The following RASAL2 variants were observed in gnomAD, a reference collection of about 807,000 sequenced individuals.
RASAL2 encodes the protein ras GTPase-activating protein nGAP.
Under a neutral mutation model 128.9 loss-of-function variants are expected in RASAL2, and 58 were observed. The observed-to-expected ratio is 0.45, with a 90% confidence interval of 0.36 to 0.56. The LOEUF (loss-of-function observed/expected upper bound fraction) is 0.56. Among genes scored for constraint, RASAL2 ranks in the 20% least tolerant of loss-of-function variants. The pLI is 0.00. For missense variants in RASAL2, 1,360 were observed against 1,601.6 expected (o/e 0.85, Z 2.57); for synonymous variants, 561 against 580.8 (o/e 0.97, Z 0.49).
intron 1 of RASAL2, among the ~76,000 whole-genome samples, chr1:178,184,657 C>G (rs1176942924): frequency 6.6e-6 from 1 of 151,996 alleles, no homozygotes; most frequent in Non-Finnish European, 1.5e-5. Context: ...TTTCCAGTCT[C>G]TCTATTCTGT....
chr1:178,309,480 A>G (rs1235700311), intron 3 of RASAL2, among the ~76,000 whole-genome samples: 1 of 152,174 alleles, frequency 6.6e-6, no homozygotes, highest in Non-Finnish European at 1.5e-5. Flanking sequence ...ATCTTCCTCA[A>G]GGTTTTGGTT....
At chr1:178,370,565 G>A (rs1021116498) in intron 3 of RASAL2, among the ~76,000 whole-genome samples, 2 of 152,110 alleles carry the variant, frequency 1.3e-5, no homozygotes, top group Non-Finnish European at 2.9e-5. Context: ...TCTCAATCGT[G>A]TGGTACTGTC....
At chr1:178,275,250 G>A (rs1485798219) in intron 1 of RASAL2, among the ~76,000 whole-genome samples, 1 of 152,218 alleles carries the variant, frequency 6.6e-6, no homozygotes, top group Non-Finnish European at 1.5e-5. Flanking sequence ...GCTATTGAGA[G>A]CACAGTCATG....
At chr1:178,179,934 A>G (rs1285352539) in intron 1 of RASAL2, among the ~76,000 whole-genome samples, 1 of 152,216 alleles carries the variant, frequency 6.6e-6, no homozygotes, top group East Asian at 1.9e-4. Context: ...CAACTATGCC[A>G]TTGTACATTC....
At chr1:178,465,031 C>A (rs1313392446) in intron 15 of RASAL2, among the ~76,000 whole-genome samples, 1 of 151,910 alleles carries the variant, frequency 6.6e-6, no homozygotes, top group Non-Finnish European at 1.5e-5. Context: ...GACAACCAGA[C>A]AATTAGCTTC....
At chr1:178,234,737 C>T (rs1162167262) in intron 1 of RASAL2, among the ~76,000 whole-genome samples, 1 of 152,042 alleles carries the variant, frequency 6.6e-6, no homozygotes, top group Non-Finnish European at 1.5e-5. Flanking sequence ...AAGCTCTTAC[C>T]ATTAAGAAAA....
chr1:178,476,677 A>G lies in RASAL2; in HGVS notation c.*3438A>G, dbSNP rs1453779138. 1 of 152,230 alleles carries G rather than the reference A, an allele frequency of 6.6e-6. No individual in the cohort carries two copies. Among genetic ancestry groups the G allele is most frequent in the East Asian group, 1.9e-4 (1 of 5,200 alleles). The allele number at this position is 152,230 out of a possible 1,614,324, so 9.4% of individuals were successfully genotyped here. A position where few individuals can be genotyped will look rare whatever the true frequency, so the allele number is the denominator to read the frequency against. On this transcript the variant is annotated 3_prime_UTR_variant, in exon 18 of 18. Transcript: ENST00000367649. ...AAAGAAGATTACCTAAGACTGCTAC[A>G]AGTGTTAACTATATGCCCTTAAGAA...
intron 1 of RASAL2, among the ~76,000 whole-genome samples, chr1:178,136,263 G>A (rs1163464864): frequency 6.6e-6 from 1 of 152,148 alleles, no homozygotes; most frequent in Non-Finnish European, 1.5e-5. Context: ...ATATAATGTA[G>A]CAGAAAGATT....
chr1:178,199,994 G>A (rs190238159), intron 1 of RASAL2, among the ~76,000 whole-genome samples: 113 of 152,210 alleles, frequency 7.4e-4, no homozygotes, highest in Admixed American at 2.5e-3. Flanking sequence ...CCTGAACATC[G>A]GGCTCCAGGT....
At chr1:178,149,529 G>C (rs1007967919) in intron 1 of RASAL2, among the ~76,000 whole-genome samples, 3 of 151,602 alleles carry the variant, frequency 2.0e-5, no homozygotes, top group Admixed American at 6.6e-5. Context: ...TTGCCTCATA[G>C]TAGTTGCTGT....
At chr1:178,255,926 A>G (rs1472183366) in intron 1 of RASAL2, among the ~76,000 whole-genome samples, 2 of 152,172 alleles carry the variant, frequency 1.3e-5, no homozygotes, top group East Asian at 1.9e-4. Context: ...AGAATCAACT[A>G]TACGTTTTCT....
intron 3 of RASAL2, among the ~76,000 whole-genome samples, chr1:178,309,104 C>G (rs553152714): frequency 3.9e-4 from 59 of 152,148 alleles, no homozygotes; most frequent in African/African-American, 1.3e-3. Flanking sequence ...ATTTACTTAA[C>G]CAACAGAAGC....
chr1:178,451,547 C>G (rs546828057), intron 9 of RASAL2, 24 bp from the exon 10 acceptor site: 1 of 1,609,516 alleles, frequency 6.2e-7, no homozygotes, highest in South Asian at 1.1e-5. Flanking sequence ...TATAGCTATA[C>G]CGTTATCTTC....
At chr1:178,222,286 T>G (rs1466473544) in intron 1 of RASAL2, among the ~76,000 whole-genome samples, 2 of 152,166 alleles carry the variant, frequency 1.3e-5, no homozygotes, top group African/African-American at 4.8e-5. Context: ...TACTTCCTAT[T>G]TGTATTCATT....
At chr1:178,151,561 C>T (rs373826762) in intron 1 of RASAL2, among the ~76,000 whole-genome samples, 11 of 152,162 alleles carry the variant, frequency 7.2e-5, no homozygotes, top group African/African-American at 1.9e-4. Context: ...TTGGCTAATT[C>T]GGTGTTTGCA....
At chr1:178,389,372 A>G (rs1261761811) in intron 3 of RASAL2, 3 of 585,456 alleles carry the variant, frequency 5.1e-6, no homozygotes, top group South Asian at 1.5e-4. Context: ...ACACATGTAT[A>G]TATATATCAC....
intron 13 of RASAL2, 74 bp downstream of exon 13, chr1:178,456,973 A>G (rs1279143481): frequency 9.0e-6 from 13 of 1,448,592 alleles, no homozygotes; most frequent in African/African-American, 1.4e-5. Flanking sequence ...TATTCAACCT[A>G]TTTGTTGAAT....
intron 1 of RASAL2, among the ~76,000 whole-genome samples, chr1:178,229,812 T>TA (rs1257299419): frequency 2.0e-5 from 3 of 152,194 alleles, no homozygotes; most frequent in Non-Finnish European, 4.4e-5. Flanking sequence ...GTTTTCAAGG[T>TA]AAAATCTAAT....
chr1:178,427,774 A>G (rs1483089973), intron 5 of RASAL2, among the ~76,000 whole-genome samples: 1 of 152,044 alleles, frequency 6.6e-6, no homozygotes, highest in African/African-American at 2.4e-5. Context: ...CGCCAATTTT[A>G]CATGCATTCA....
Sources: allele counts gnomAD v4.1 joint callset (sites outside exome capture counted in the v4.1 genomes callset), GRCh38; gene constraint gnomAD v4.1.1; transcripts MANE v1.5; gene names NCBI Gene and HGNC (gene_info 2026-07-23, HGNC 2026-07-21).